AUTS2: variants seen among roughly 807,000 people sequenced by gnomAD.
The protein encoded by AUTS2 is activator of transcription and developmental regulator AUTS2, also known as autism susceptibility gene 2 protein.
AUTS2 carries 17 observed loss-of-function variants against 112.4 expected under a neutral mutation model. The observed-to-expected ratio is 0.15, with a 90% CI of 0.10 to 0.23. The LOEUF (loss-of-function observed/expected upper bound fraction) is 0.23. AUTS2 is among the 10% of genes least tolerant of loss of function. The probability of loss-of-function intolerance (pLI) is 1.00; values close to 1 mark genes in which losing one functional copy is unlikely to be tolerated. For synonymous variants in AUTS2, 751 were observed against 702.7 expected, an observed-to-expected ratio of 1.07 and a Z score of -1.09; for missense variants, 1,510 against 1,701.6, an observed-to-expected ratio of 0.89 and a Z score of 1.98.
intron 2 of AUTS2, among the ~76,000 whole-genome samples, chr7:70,021,396 A>G (rs982325938): frequency 6.6e-6 from 1 of 152,200 alleles, no homozygotes; most frequent in Non-Finnish European, 1.5e-5. Flanking sequence ...CTAGAAGGTT[A>G]GGCTTTGAGA....
rs114767382 is a variant in AUTS2, at chr7:70,591,799, T to C, written c.691-106770T>C. ...GTGTCAGGGCTATTTGCTGGTCTCT[T>C]TTCTCTCACCCTGATCTGGCTGTGA... On this transcript the variant is annotated intron_variant, in intron 5 of 18. Coordinates refer to ENST00000342771, the MANE Select transcript of AUTS2 (RefSeq NM_015570.4). 9.1e-3 allele frequency among the ~76,000 whole-genome samples: 1,385 copies of C among 152,298 alleles called. 22 individuals carry two copies. The highest frequency in any genetic ancestry group is 0.032 in the African/African-American group (1,342 of 41,556).
At chr7:69,764,214 C>T (rs1442198629) in intron 1 of AUTS2, among the ~76,000 whole-genome samples, 1 of 152,080 alleles carries the variant, frequency 6.6e-6, no homozygotes, top group Non-Finnish European at 1.5e-5. Context: ...GCAATTTAGG[C>T]CAGGTGAATA....
At chr7:70,351,909 G>A (rs561065143) in intron 4 of AUTS2, among the ~76,000 whole-genome samples, 2 of 152,132 alleles carry the variant, frequency 1.3e-5, no homozygotes, top group South Asian at 4.2e-4. Flanking sequence ...CACCATGTTA[G>A]CCAGGCTGGT....
intron 5 of AUTS2, among the ~76,000 whole-genome samples, chr7:70,639,170 G>A (rs942353072): frequency 2.0e-5 from 3 of 152,048 alleles, no homozygotes; most frequent in Admixed American, 6.5e-5. Flanking sequence ...CGCTGCCGCC[G>A]CCACCACCAC....
At chr7:69,612,464 A>G (rs1793095445) in intron 1 of AUTS2, among the ~76,000 whole-genome samples, 1 of 151,760 alleles carries the variant, frequency 6.6e-6, no homozygotes, top group South Asian at 2.1e-4. Context: ...TCTATTTTAA[A>G]ACTTTTTTTT....
intron 5 of AUTS2, among the ~76,000 whole-genome samples, chr7:70,552,950 A>G (rs543819944): frequency 1.3e-5 from 2 of 152,352 alleles, no homozygotes; most frequent in South Asian, 4.1e-4. Flanking sequence ...TAGGTATAGC[A>G]TAGTGTATTA....
chr7:70,629,441 C>T (rs557944549), intron 5 of AUTS2, among the ~76,000 whole-genome samples: 1 of 151,914 alleles, frequency 6.6e-6, no homozygotes, highest in East Asian at 1.9e-4. Context: ...CACTGCACTC[C>T]AGCCTGGGCG....
intron 2 of AUTS2, among the ~76,000 whole-genome samples, chr7:70,092,709 A>G (rs1397769369): frequency 6.6e-6 from 1 of 152,198 alleles, no homozygotes; most frequent in Non-Finnish European, 1.5e-5. Context: ...TGTGGTGATA[A>G]GCATGAGGTC....
At chr7:70,714,586 C>G (rs1244347422) in intron 6 of AUTS2, among the ~76,000 whole-genome samples, 1 of 152,208 alleles carries the variant, frequency 6.6e-6, no homozygotes, top group African/African-American at 2.4e-5. Flanking sequence ...GACACACATA[C>G]TGCATGTCTT....
At chr7:70,142,613 A>C (rs992827720) in intron 4 of AUTS2, among the ~76,000 whole-genome samples, 2 of 152,298 alleles carry the variant, frequency 1.3e-5, no homozygotes, top group South Asian at 4.2e-4. Flanking sequence ...TTATATTTGC[A>C]TCATTCATTT....
intron 4 of AUTS2, among the ~76,000 whole-genome samples, chr7:70,378,042 C>T (rs547061018): frequency 3.5e-4 from 53 of 152,104 alleles, no homozygotes; most frequent in African/African-American, 1.3e-3. Flanking sequence ...TCCCAAAGTG[C>T]TGGTATTACA....
At chr7:70,734,165 T>C (rs1020113317) in intron 6 of AUTS2, among the ~76,000 whole-genome samples, 25 of 151,620 alleles carry the variant, frequency 1.6e-4, no homozygotes, top group South Asian at 4.2e-4. Context: ...CCTGGTCGGG[T>C]GTGGTGGCTC....
At chr7:70,070,383 G>A (rs562958455) in intron 2 of AUTS2, among the ~76,000 whole-genome samples, 73 of 149,392 alleles carry the variant, frequency 4.9e-4, no homozygotes, top group Non-Finnish European at 8.9e-4. Context: ...GACCAACCTG[G>A]CCAACATGGC....
chr7:70,177,403 C>T (rs1262816287), intron 4 of AUTS2, among the ~76,000 whole-genome samples: 1 of 152,160 alleles, frequency 6.6e-6, no homozygotes, highest in Non-Finnish European at 1.5e-5. Flanking sequence ...ACCACCACAC[C>T]ATGATACCTC....
At chr7:70,053,191 A>G (rs887768379) in intron 2 of AUTS2, among the ~76,000 whole-genome samples, 11 of 152,158 alleles carry the variant, frequency 7.2e-5, no homozygotes, top group South Asian at 4.1e-4. Flanking sequence ...AGGCATGTCT[A>G]TGTTTCTTTA....
intron 5 of AUTS2, among the ~76,000 whole-genome samples, chr7:70,460,338 CTTTTTTTT>C (rs10537541): frequency 1.8e-4 from 7 of 38,216 alleles, no homozygotes; most frequent in East Asian, 1.2e-3. Context: ...ACAGCCTGGT[CTTTTTTTT>C]TTTTTTTTTT....
At chr7:70,142,652 G>A (rs1196943780) in intron 4 of AUTS2, among the ~76,000 whole-genome samples, 2 of 152,188 alleles carry the variant, frequency 1.3e-5, no homozygotes, top group East Asian at 1.9e-4. Flanking sequence ...TACTGAAGCT[G>A]TTGGCTTAGC....
intron 1 of AUTS2, among the ~76,000 whole-genome samples, chr7:69,818,177 A>G (rs1393779795): frequency 6.6e-6 from 1 of 152,226 alleles, no homozygotes; most frequent in Non-Finnish European, 1.5e-5. Context: ...ATGGTCCGTC[A>G]GAAACTAAGG....
intron 2 of AUTS2, among the ~76,000 whole-genome samples, chr7:69,974,824 T>A (rs1447790634): frequency 6.6e-6 from 1 of 152,166 alleles, no homozygotes; most frequent in Non-Finnish European, 1.5e-5. Context: ...AATTTAACAA[T>A]CACATGTATC....
Sources: gnomAD v4.1 joint callset for allele counts (sites outside exome capture counted in the v4.1 genomes callset) on GRCh38, gnomAD v4.1.1 for gene constraint, MANE v1.5 for transcripts, NCBI Gene and HGNC (gene_info 2026-07-23, HGNC 2026-07-21) for gene names.